RBFOX1: variants seen among roughly 807,000 people sequenced by gnomAD.
The protein encoded by RBFOX1 is RNA binding protein fox-1 homolog 1.
RBFOX1 carries 8 observed loss-of-function variants against 57.7 expected under a neutral mutation model. That is an observed-to-expected ratio of 0.14 (90% confidence interval 0.08 to 0.25). The LOEUF is 0.25. Ranked by LOEUF, RBFOX1 falls within the 10% of genes least tolerant of loss-of-function variation. The probability of loss-of-function intolerance (pLI) is 1.00; values close to 1 mark genes in which losing one functional copy is unlikely to be tolerated. For synonymous variants in RBFOX1, 326 were observed against 222.4 expected, an observed-to-expected ratio of 1.47 and a Z score of -4.15; for missense variants, 611 against 548.5, an observed-to-expected ratio of 1.11 and a Z score of -1.14.
chr16:6,695,565 T>G (rs912420551), intron 3 of RBFOX1, among the ~76,000 whole-genome samples: 1 of 142,584 alleles, frequency 7.0e-6, no homozygotes, highest in Non-Finnish European at 1.6e-5. Flanking sequence ...TTATGAATGT[T>G]TCAAGTATGA....
chr16:7,667,557 A>T (rs1279319222), intron 13 of RBFOX1, among the ~76,000 whole-genome samples: 1 of 152,170 alleles, frequency 6.6e-6, no homozygotes, highest in African/African-American at 2.4e-5. Context: ...TTAAAGAAAG[A>T]TTTTGGCTTA....
At chr16:6,765,185 G>T (rs979965374) in intron 3 of RBFOX1, among the ~76,000 whole-genome samples, 1 of 152,094 alleles carries the variant, frequency 6.6e-6, no homozygotes, top group Non-Finnish European at 1.5e-5. Flanking sequence ...AATGCAGCAC[G>T]TGGTAAGGGA....
chr16:6,969,930 C>G (rs958668670), intron 3 of RBFOX1, among the ~76,000 whole-genome samples: 5 of 151,938 alleles, frequency 3.3e-5, no homozygotes, highest in African/African-American at 1.2e-4. Context: ...ATAGATTTCC[C>G]ACATACAGAA....
At chr16:6,541,303 A>G (rs2096814043) in intron 2 of RBFOX1, among the ~76,000 whole-genome samples, 1 of 152,214 alleles carries the variant, frequency 6.6e-6, no homozygotes, top group African/African-American at 2.4e-5. Flanking sequence ...AATGGTAGAA[A>G]TAGGTGACTC....
chr16:7,007,589 C>T (rs548211926), intron 3 of RBFOX1, among the ~76,000 whole-genome samples: 4 of 152,286 alleles, frequency 2.6e-5, no homozygotes, highest in African/African-American at 9.6e-5. Context: ...ACCCTCCCAT[C>T]CTCCAGCCAT....
intron 3 of RBFOX1, among the ~76,000 whole-genome samples, chr16:6,700,695 C>A (rs189585882): frequency 6.6e-6 from 1 of 151,962 alleles, no homozygotes; most frequent in African/African-American, 2.4e-5. Flanking sequence ...TAAAAATTAC[C>A]ATAAGTAGAT....
chr16:6,385,935 CTTTCT>C lies in RBFOX1; in HGVS notation c.-64+68882_-64+68886del, dbSNP rs1230278472. Among the ~76,000 whole-genome samples, 98 of 54,230 alleles carry C rather than the reference CTTTCT, an allele frequency of 1.8e-3. 1 individual carries two copies. The South Asian group carries it at 0.026, about 14-fold the overall frequency. The allele number at this position is 54,230 out of a possible 152,430, so 35.6% of individuals were successfully genotyped here. A position where few individuals can be genotyped will look rare whatever the true frequency, so the allele number is the denominator to read the frequency against. On this transcript the variant is annotated intron_variant, in intron 2 of 15. Transcript: ENST00000550418. ...CATTAAGAACTCATTTCTTTTTTTT[CTTTCT>C]TTTTTTTTTTTTTGAGATGGAGTCT...
chr16:7,097,662 A>G (rs1328942346), intron 4 of RBFOX1, among the ~76,000 whole-genome samples: 2 of 152,182 alleles, frequency 1.3e-5, no homozygotes, highest in African/African-American at 4.8e-5. Context: ...GCCTCTCTGC[A>G]TCTGGTTTTG....
chr16:7,463,853 A>G (rs992935216), intron 4 of RBFOX1, among the ~76,000 whole-genome samples: 3 of 152,186 alleles, frequency 2.0e-5, no homozygotes, highest in Non-Finnish European at 4.4e-5. Context: ...AGATACTTCA[A>G]ATTGATTGGA....
At chr16:6,853,946 G>T (rs925703619) in intron 3 of RBFOX1, among the ~76,000 whole-genome samples, 1 of 152,106 alleles carries the variant, frequency 6.6e-6, no homozygotes, top group Non-Finnish European at 1.5e-5. Context: ...GCATGTCTAG[G>T]TAACTTTTAT....
intron 3 of RBFOX1, among the ~76,000 whole-genome samples, chr16:5,699,547 G>A (rs1036231343): frequency 1.3e-5 from 2 of 151,516 alleles, no homozygotes; most frequent in East Asian, 2.0e-4. Flanking sequence ...TATGACTATT[G>A]CACTAATTGC....
rs377459798 is a variant in RBFOX1, at chr16:7,567,739, C to CTATA, written c.271-12032_271-12029dup. On this transcript the variant is annotated intron_variant, in intron 5 of 15. Transcript: ENST00000550418. ...ATATATATATCCCTATATATAATCC[C>CTATA]TATATATATCCATATAACCCTATAT... Among the ~76,000 whole-genome samples, 75 of 138,652 alleles carry CTATA rather than the reference C, an allele frequency of 5.4e-4. 1 individual carries two copies. Among genetic ancestry groups the CTATA allele is most frequent in the African/African-American group, 1.7e-3 (64 of 38,140 alleles). 91.0% of individuals were successfully genotyped at this position (138,652 alleles called of 152,430 possible).
At chr16:6,740,882 G>C (rs2071857733) in intron 3 of RBFOX1, among the ~76,000 whole-genome samples, 1 of 152,142 alleles carries the variant, frequency 6.6e-6, no homozygotes, top group African/African-American at 2.4e-5. Flanking sequence ...CTCAAAATTT[G>C]AATAGAAAAG....
intron 3 of RBFOX1, among the ~76,000 whole-genome samples, chr16:6,914,246 GTA>G: frequency 6.6e-6 from 1 of 152,260 alleles, no homozygotes; most frequent in East Asian, 1.9e-4. Context: ...TGTTTGCTGT[GTA>G]TTGCAGTACG....
At chr16:6,107,535 A>T (rs2096395767) in intron 1 of RBFOX1, among the ~76,000 whole-genome samples, 1 of 152,074 alleles carries the variant, frequency 6.6e-6, no homozygotes. Flanking sequence ...ATGAAGTTAG[A>T]TATTGCTTTT....
chr16:7,191,663 T>G (rs563293509), intron 4 of RBFOX1, among the ~76,000 whole-genome samples: 1 of 152,260 alleles, frequency 6.6e-6, no homozygotes, highest in African/African-American at 2.4e-5. Flanking sequence ...AGTGCGTGTT[T>G]CCGTCAGAAG....
rs1441634101 is a variant in RBFOX1 at position 6,798,714 on chromosome 16, T to G, written c.-16+144064T>G. ...AAGTTGTTTATATGAACTAAAATAT[T>G]TATACACCCAAGATAATGAAAATAA... On this transcript the variant is annotated intron_variant, in intron 3 of 15. Coordinates refer to ENST00000550418, the MANE Select transcript of RBFOX1 (RefSeq NM_018723.4). 4.6e-5 allele frequency among the ~76,000 whole-genome samples: 7 copies of G among 152,290 alleles called. No individual in the cohort carries two copies. The East Asian group carries it at 1.2e-3, about 25-fold the overall frequency.
intron 1 of RBFOX1, among the ~76,000 whole-genome samples, chr16:6,139,664 A>T (rs2096698589): frequency 6.6e-6 from 1 of 152,242 alleles, no homozygotes; most frequent in Non-Finnish European, 1.5e-5. Flanking sequence ...GTCCATGAAT[A>T]TAGATTGGCT....
At chr16:5,640,101 C>T (rs1026305207) in intron 3 of RBFOX1, among the ~76,000 whole-genome samples, 3 of 152,068 alleles carry the variant, frequency 2.0e-5, no homozygotes, top group East Asian at 3.9e-4. Flanking sequence ...GGTAAAAGAA[C>T]CTTCTGTAGC....
Sources: gnomAD v4.1 joint callset for allele counts (sites outside exome capture counted in the v4.1 genomes callset) on GRCh38, gnomAD v4.1.1 for gene constraint, MANE v1.5 for transcripts, NCBI Gene and HGNC (gene_info 2026-07-23, HGNC 2026-07-21) for gene names.